The following PZP variants were observed in gnomAD, a reference collection of about 807,000 sequenced individuals.
PZP encodes the protein PZP alpha-2-macroglobulin like, also known as pregnancy zone protein.
In PZP, 150 loss-of-function variants were observed where a neutral mutation model predicts 179.8. The observed-to-expected ratio is 0.83, with a 90% CI of 0.73 to 0.96. The LOEUF (loss-of-function observed/expected upper bound fraction) is 0.96. PZP is among the 40% of genes least tolerant of loss of function. The pLI, the probability that PZP is intolerant of heterozygous loss-of-function variation, is 0.00. For synonymous variants in PZP, 624 were observed against 652.3 expected, an observed-to-expected ratio of 0.96 and a Z score of 0.66; for missense variants, 1,689 against 1,764.0, an observed-to-expected ratio of 0.96 and a Z score of 0.76.
intron 17 of PZP, 82 bp downstream of exon 17, chr12:9,168,787 G>A (rs1941771418): frequency 9.7e-7 from 1 of 1,034,670 alleles, no homozygotes; most frequent in African/African-American, 1.6e-5. Context: ...TGGAAATAGG[G>A]CTACATTACC....
rs981704029 is a variant in PZP, at chr12:9,182,218, G to C, written c.1547-101C>G. On this transcript the variant is annotated intron_variant, in intron 13 of 35. Coordinates refer to ENST00000261336, the MANE Select transcript of PZP (RefSeq NM_002864.3). The stretch of plus-strand genomic sequence containing the variant: ...CTATTGCTTGGTCTTATCCACTTGA[G>C]AACTGCGTCCATTCATTCTAATGGC... The C allele has an allele frequency of 4.4e-6, 5 of 1,132,270 alleles. No homozygotes were observed. In the African/African-American group the frequency reaches 7.9e-5, roughly 18 times the overall value. 70.1% of individuals were successfully genotyped at this position (1,132,270 alleles called of 1,614,324 possible).
chr12:9,201,817 C>T (rs10771413), intron 4 of PZP, among the ~76,000 whole-genome samples: 51,960 of 151,802 alleles, frequency 0.34, 8,885 homozygotes, highest in East Asian at 0.44. Context: ...CTATTAAAAG[C>T]AGCTTTGTTC....
intron 17 of PZP, among the ~76,000 whole-genome samples, chr12:9,167,776 T>C (rs910907575): frequency 2.0e-5 from 3 of 152,222 alleles, no homozygotes; most frequent in Non-Finnish European, 4.4e-5. Context: ...CAATTTTCCA[T>C]CTTGAATTTA....
intron 13 of PZP, among the ~76,000 whole-genome samples, chr12:9,187,965 T>C (rs777389992): frequency 2.0e-5 from 3 of 152,240 alleles, no homozygotes; most frequent in East Asian, 1.9e-4. Context: ...GGGGTGGTGG[T>C]GGCTGCAGTC....
intron 35 of PZP, 79 bp downstream of exon 35, chr12:9,149,482 G>A: frequency 7.2e-7 from 1 of 1,389,164 alleles, no homozygotes; most frequent in Non-Finnish European, 9.9e-7. Flanking sequence ...GAAAAGCCTT[G>A]TAGAGAATTT....
chr12:9,204,104 C>T (rs771890697), intron 1 of PZP, among the ~76,000 whole-genome samples, 153 bp from the exon 2 acceptor site: 4 of 152,168 alleles, frequency 2.6e-5, no homozygotes, highest in Non-Finnish European at 4.4e-5. Context: ...TGTCACAGAT[C>T]AGCACAAAAA....
chr12:9,139,731 T>C, the PZP span, among the ~76,000 whole-genome samples: 1 of 152,324 alleles, frequency 6.6e-6, no homozygotes, highest in East Asian at 1.9e-4. Context: ...TTTTATCTGA[T>C]ATAAGTGTAG....
At chr12:9,181,943 G>T in intron 14 of PZP, 32 bp downstream of exon 14, 1 of 1,605,092 alleles carries the variant, frequency 6.2e-7, no homozygotes, top group South Asian at 1.1e-5. Context: ...TCATTTATTT[G>T]TGTTCTTTTA....
chr12:9,179,921 T>TGGCACTCATCAAGATGAGTGG (rs1358685342), intron 15 of PZP, among the ~76,000 whole-genome samples: 1 of 152,188 alleles, frequency 6.6e-6, no homozygotes, highest in East Asian at 1.9e-4. Flanking sequence ...AATTTCAAAA[T>TGGCACTCATCAAGATGAGTGG]CACATCTCAG....
Position 9,195,123 on chromosome 12 carries a change from T to G in PZP, c.1093-885A>C, listed in dbSNP as rs1232441583. ...TTTTTAGCAAAAAAAGGACAAATATTTAAGGTGATGAATATCTCAATTATG... is the reference window on the plus strand; with the variant it reads ...TTTTTAGCAAAAAAAGGACAAATATGTAAGGTGATGAATATCTCAATTATG... On this transcript the variant is annotated intron_variant, in intron 10 of 35. Transcript: ENST00000261336. Among the ~76,000 whole-genome samples the G allele has an allele frequency of 1.3e-5, 2 of 152,136 alleles. 1 individual carries two copies. The highest frequency in any genetic ancestry group is 3.9e-4 in the East Asian group (2 of 5,192).
chr12:9,192,306 C>T (rs1173259371), intron 12 of PZP, 50 bp from the exon 13 acceptor site: 2 of 1,561,848 alleles, frequency 1.3e-6, no homozygotes, highest in Non-Finnish European at 1.8e-6. Context: ...ACACAGTTCT[C>T]AGCCTTCTAT....
At chr12:9,147,178 T>C (rs1187386875), downstream of PZP, among the ~76,000 whole-genome samples, 1 of 152,110 alleles carries the variant, frequency 6.6e-6, no homozygotes, top group Non-Finnish European at 1.5e-5. Flanking sequence ...GAGCAGGAAA[T>C]TTTTTGTCCA....
At position 9,157,282 on chromosome 12, in the gene PZP, C is replaced by T. The variant is rs1279642033; in HGVS notation, c.3443G>A (p.Ser1148Asn). ...WNVAKEGTHG[S>N]HVYTKALLAY... ...CAGCAATGCCTTGGTGTAGACATGG[C>T]TCCCATGGGTCCCCTCCTTTGCTAC... The change falls in exon 28 of 36, where the codon AGC (serine) becomes AAC (asparagine). Residue 1148 changes from serine (S) to asparagine (N), a missense_variant. By Grantham distance (46) the Ser-to-Asn change is conservative. This residue lies in a region of PZP where 746 missense variants were observed against 749.2 expected (regional missense o/e 1.00). Transcript: ENST00000261336. 8.1e-6 allele frequency: 13 copies of T among 1,613,968 alleles called. No individual in the cohort carries two copies. The highest frequency in any genetic ancestry group is 1.1e-5 in the Non-Finnish European group (13 of 1,179,966).
chr12:9,138,468 T>C, the PZP span, among the ~76,000 whole-genome samples: 2 of 152,068 alleles, frequency 1.3e-5, no homozygotes, highest in African/African-American at 4.8e-5. Context: ...TGTCATTTTT[T>C]TTTTCTTGTA....
At chr12:9,162,125 C>T (rs1181373604) in intron 22 of PZP, among the ~76,000 whole-genome samples, 2 of 152,094 alleles carry the variant, frequency 1.3e-5, no homozygotes, top group East Asian at 3.9e-4. Flanking sequence ...CCAGGCCTGG[C>T]TAATTTTTGT....
intron 7 of PZP, among the ~76,000 whole-genome samples, chr12:9,197,548 TTAA>T (rs1008129267): frequency 4.7e-4 from 56 of 120,126 alleles, no homozygotes; most frequent in Middle Eastern, 8.3e-3. Flanking sequence ...AGAGTACTGA[TTAA>T]TAATATATAA....
chr12:9,195,239 T>A (rs916569554), intron 10 of PZP, among the ~76,000 whole-genome samples: 3 of 152,096 alleles, frequency 2.0e-5, no homozygotes, highest in Non-Finnish European at 2.9e-5. Context: ...TTTTAAAAAA[T>A]TTAAAATAAT....
At chr12:9,166,331 T>C in intron 17 of PZP, 129 bp from the exon 18 acceptor site, 3 of 849,540 alleles carry the variant, frequency 3.5e-6, no homozygotes, top group South Asian at 3.4e-5. Flanking sequence ...GTAGAAGTTG[T>C]AGAACTTGGG....
In PZP at chr12:9,166,153, A is replaced by T. The variant is rs199895935; in HGVS notation, c.2157T>A (p.Tyr719Ter). ...GTTCATTATTTAAGGGTATCACATT[A>T]TATGTGCCTAATTGAGGAACATATG... The part of the protein sequence containing the change: ...ERPYVPQLGT[Y>*]NVIPLNNEQS... Residue 719 changes from tyrosine to a stop codon, truncating the protein, a stop_gained, in exon 18 of 36, where the codon TAT becomes TAA. Transcript: ENST00000261336. LOFTEE classifies it high-confidence loss of function. 1 of 1,613,920 alleles carries T rather than the reference A, an allele frequency of 6.2e-7. No individual in the cohort carries two copies.
Sources: allele counts gnomAD v4.1 joint callset (sites outside exome capture counted in the v4.1 genomes callset), GRCh38; gene constraint gnomAD v4.1.1; regional missense constraint gnomAD v4.1.1; transcripts MANE v1.5; gene names NCBI Gene and HGNC (gene_info 2026-07-23, HGNC 2026-07-21).